The following SELENOF variants were observed in gnomAD, a reference collection of about 807,000 sequenced individuals.
SELENOF encodes the protein selenoprotein F, also known as 15 kDa selenoprotein.
A neutral mutation model predicts 20.5 loss-of-function variants in SELENOF; 16 were observed. The observed-to-expected ratio is 0.78, with a 90% CI of 0.53 to 1.19. The LOEUF is 1.19. Ranked by LOEUF, SELENOF falls within the 50% of genes most tolerant of loss-of-function variation. The pLI, the probability that SELENOF is intolerant of heterozygous loss-of-function variation, is 0.00. For synonymous variants in SELENOF, 78 were observed against 74.5 expected, an observed-to-expected ratio of 1.05 and a Z score of -0.24; for missense variants, 215 against 194.2, an observed-to-expected ratio of 1.11 and a Z score of -0.64.
chr1:86,906,675 A>T (rs1023838706), intron 1 of SELENOF, among the ~76,000 whole-genome samples: 1 of 152,224 alleles, frequency 6.6e-6, no homozygotes, highest in African/African-American at 2.4e-5. Context: ...TGAAAACTCC[A>T]GCTGACAACC....
At chr1:86,897,323 T>A (rs1438600982) in intron 2 of SELENOF, among the ~76,000 whole-genome samples, 6 of 152,056 alleles carry the variant, frequency 3.9e-5, no homozygotes, top group African/African-American at 1.4e-4. Context: ...CCAACAGCAT[T>A]ATTTTTTGGG....
At chr1:86,864,517 T>A (rs529180192) in intron 4 of SELENOF, among the ~76,000 whole-genome samples, 84 of 152,344 alleles carry the variant, frequency 5.5e-4, no homozygotes, top group Non-Finnish European at 1.1e-3. Context: ...AGATGGAGAC[T>A]AGCTCAGATG....
At chr1:86,866,435 C>T (rs1570369265) in intron 4 of SELENOF, among the ~76,000 whole-genome samples, 2 of 131,438 alleles carry the variant, frequency 1.5e-5, no homozygotes, top group Admixed American at 8.0e-5. Flanking sequence ...GTAGTTGTCA[C>T]GGGCTGGCAG....
chr1:86,905,395 A>G (rs373041570), intron 1 of SELENOF, among the ~76,000 whole-genome samples: 52 of 152,100 alleles, frequency 3.4e-4, no homozygotes, highest in African/African-American at 1.2e-3. Flanking sequence ...TTCTGTTTCC[A>G]CTTCTTCACC....
chr1:86,873,158 A>T (rs1658828785), intron 3 of SELENOF, among the ~76,000 whole-genome samples: 1 of 150,952 alleles, frequency 6.6e-6, no homozygotes, highest in Non-Finnish European at 1.5e-5. Flanking sequence ...TTGGGAGACT[A>T]AGGTAGGAGG....
chr1:86,911,199 T>C (rs1021780665), intron 1 of SELENOF, among the ~76,000 whole-genome samples: 2 of 152,238 alleles, frequency 1.3e-5, no homozygotes, highest in African/African-American at 4.8e-5. Context: ...ACTTGAGGGA[T>C]AGCGAAGCTT....
intron 2 of SELENOF, among the ~76,000 whole-genome samples, chr1:86,893,450 C>CA (rs10714134): frequency 0.054 from 4,861 of 90,460 alleles, 134 homozygotes; most frequent in East Asian, 0.082. Flanking sequence ...TACTAAAATA[C>CA]AAAAAAAAAA....
intron 3 of SELENOF, among the ~76,000 whole-genome samples, chr1:86,870,353 C>G (rs1658728798): frequency 6.6e-6 from 1 of 152,190 alleles, no homozygotes; most frequent in South Asian, 2.1e-4. Context: ...TTTCTATTAA[C>G]TTTATCCTTT....
intron 2 of SELENOF, among the ~76,000 whole-genome samples, chr1:86,898,924 C>T (rs955940437): frequency 2.6e-5 from 4 of 151,648 alleles, no homozygotes; most frequent in Non-Finnish European, 4.4e-5. Flanking sequence ...AGGCAGAGGA[C>T]CCTGAGGCCT....
intron 3 of SELENOF, among the ~76,000 whole-genome samples, chr1:86,872,941 G>A (rs985639667): frequency 6.6e-6 from 1 of 152,096 alleles, no homozygotes; most frequent in Non-Finnish European, 1.5e-5. Flanking sequence ...TCCGGAGGCT[G>A]AGGCAGGAGA....
chr1:86,872,752 C>T (rs1658810094), intron 3 of SELENOF, among the ~76,000 whole-genome samples: 1 of 151,952 alleles, frequency 6.6e-6, no homozygotes, highest in East Asian at 1.9e-4. Context: ...CAAAAATTAG[C>T]CAGGCACGGG....
At chr1:86,869,724 C>T (rs1005263029) in intron 3 of SELENOF, among the ~76,000 whole-genome samples, 4 of 148,956 alleles carry the variant, frequency 2.7e-5, no homozygotes, top group African/African-American at 7.5e-5. Context: ...TCCTTCCTTC[C>T]TTCTTTCTTT....
At chr1:86,871,522 T>A (rs1035343201) in intron 3 of SELENOF, among the ~76,000 whole-genome samples, 1 of 152,196 alleles carries the variant, frequency 6.6e-6, no homozygotes, top group African/African-American at 2.4e-5. Context: ...CTTCAAATGT[T>A]TTACTGAAGA....
At position 86,898,671 on chromosome 1, in the gene SELENOF, TCACGGGTTCAAG is replaced by T. The variant is rs992501128; in HGVS notation, c.252+4598_252+4609del. Among the ~76,000 whole-genome samples the T allele has an allele frequency of 2.3e-3, 350 of 151,728 alleles. 1 individual carries two copies. The highest frequency in any genetic ancestry group is 8.1e-3 in the African/African-American group (336 of 41,316). ...ATCTCGGCTCACAGCAACCTCTGCT[TCACGGGTTCAAG>T]CGATTCTCCTGCCTCAGCCTCCCAA... On this transcript the variant is annotated intron_variant, in intron 2 of 4. Coordinates refer to ENST00000331835, the MANE Select transcript of SELENOF (RefSeq NM_004261.5).
intron 3 of SELENOF, among the ~76,000 whole-genome samples, chr1:86,875,803 G>A (rs1480443117): frequency 2.0e-5 from 3 of 152,124 alleles, no homozygotes; most frequent in African/African-American, 7.2e-5. Context: ...AACAATGCTG[G>A]AGCTAAATTT....
At chr1:86,881,050 G>A (rs1659054558) in intron 2 of SELENOF, among the ~76,000 whole-genome samples, 1 of 152,040 alleles carries the variant, frequency 6.6e-6, no homozygotes, top group Non-Finnish European at 1.5e-5. Flanking sequence ...AAATATTAAA[G>A]GTTTCCTACC....
At chr1:86,865,631 C>G (rs940124868) in intron 4 of SELENOF, among the ~76,000 whole-genome samples, 1 of 152,096 alleles carries the variant, frequency 6.6e-6, no homozygotes, top group African/African-American at 2.4e-5. Context: ...CAAGTGTTGA[C>G]AAGGATATAG....
chr1:86,899,134 G>A (rs2102118331), intron 2 of SELENOF, among the ~76,000 whole-genome samples: 1 of 151,442 alleles, frequency 6.6e-6, no homozygotes, highest in South Asian at 2.1e-4. Context: ...TCCCAAGGCA[G>A]AAGAATTTTT....
chr1:86,911,783 TA>T (rs1659990304), intron 1 of SELENOF, among the ~76,000 whole-genome samples: 1 of 140,698 alleles, frequency 7.1e-6, no homozygotes, highest in African/African-American at 2.9e-5. Flanking sequence ...TTAAAATGAC[TA>T]TTTTTTTTTT....
Sources: allele counts gnomAD v4.1 joint callset (sites outside exome capture counted in the v4.1 genomes callset), GRCh38; gene constraint gnomAD v4.1.1; transcripts MANE v1.5; gene names NCBI Gene and HGNC (gene_info 2026-07-23, HGNC 2026-07-21).